The following COMMD1 variants were observed in gnomAD, a reference collection of about 807,000 sequenced individuals.
The protein encoded by COMMD1 is copper metabolism domain containing 1.
A neutral mutation model predicts 17.2 loss-of-function variants in COMMD1; 10 were observed. The observed-to-expected ratio is 0.58, with a 90% CI of 0.36 to 0.99. The LOEUF (loss-of-function observed/expected upper bound fraction) is 0.99. Among genes scored for constraint, COMMD1 ranks in the 50% least tolerant of loss-of-function variants. The pLI, the probability that COMMD1 is intolerant of heterozygous loss-of-function variation, is 0.01. For missense variants in COMMD1, 270 were observed against 231.8 expected, an observed-to-expected ratio of 1.17 and a Z score of -1.07; for synonymous variants, 97 against 91.6, an observed-to-expected ratio of 1.06 and a Z score of -0.34.
chr2:62,034,157 G>T (rs1399095689), intron 2 of COMMD1, among the ~76,000 whole-genome samples: 1 of 152,040 alleles, frequency 6.6e-6, no homozygotes, highest in East Asian at 1.9e-4. Flanking sequence ...AGCCTGTTGG[G>T]GTGGAAATGT....
chr2:61,934,948 C>T (rs1234978658), intron 1 of COMMD1, among the ~76,000 whole-genome samples: 1 of 152,166 alleles, frequency 6.6e-6, no homozygotes, highest in Non-Finnish European at 1.5e-5. Context: ...GAATAGATTC[C>T]TGTAACAAAA....
intron 2 of COMMD1, among the ~76,000 whole-genome samples, chr2:62,008,058 T>C (rs1434553567): frequency 2.0e-5 from 3 of 152,080 alleles, no homozygotes; most frequent in African/African-American, 7.2e-5. Context: ...ACTGCATGTC[T>C]GTAATCCAAG....
In COMMD1 at chr2:62,132,047, C is replaced by T. The variant is rs555723281; in HGVS notation, c.463-3784C>T. ...GGGATTACAGGTGCCCACCACCAAG[C>T]CTGGCTAATTTTTGTATTTTTAATA... On this transcript the variant is annotated intron_variant, in intron 2 of 2. Transcript: ENST00000311832. Among the ~76,000 whole-genome samples the T allele has an allele frequency of 2.6e-5, 4 of 152,196 alleles. No individual in the cohort carries two copies. The South Asian group carries it at 6.2e-4, about 24-fold the overall frequency.
rs1046113889 is a variant in COMMD1, at chr2:62,064,894, C to A, written c.462+63912C>A. Among the ~76,000 whole-genome samples the A allele has an allele frequency of 7.2e-5, 11 of 152,186 alleles. No homozygotes were observed. The East Asian group carries it at 2.1e-3, about 29-fold the overall frequency. ...ATAAAAATCTATGCTGTGCCAGGTGCAGTAGCTCATGCCTGTAATTCCAGC... is the reference window on the plus strand; with the variant it reads ...ATAAAAATCTATGCTGTGCCAGGTGAAGTAGCTCATGCCTGTAATTCCAGC... On this transcript the variant is annotated intron_variant, in intron 2 of 2. Transcript: ENST00000311832.
chr2:62,047,827 C>T (rs981784648), intron 2 of COMMD1, among the ~76,000 whole-genome samples: 1 of 152,096 alleles, frequency 6.6e-6, no homozygotes, highest in African/African-American at 2.4e-5. Flanking sequence ...TATTTTTATA[C>T]TGTATTATAC....
chr2:61,924,377 AG>A (rs1670272243), intron 1 of COMMD1, among the ~76,000 whole-genome samples: 1 of 78,674 alleles, frequency 1.3e-5, no homozygotes, highest in Non-Finnish European at 2.5e-5. Context: ...TCAGAGTCGG[AG>A]GGGGGATGGT....
chr2:61,916,777 CAGTATTTGGAATGT>C (rs1325450959), intron 1 of COMMD1, among the ~76,000 whole-genome samples: 1 of 152,030 alleles, frequency 6.6e-6, no homozygotes, highest in Non-Finnish European at 1.5e-5. Context: ...TTTTAAAATG[CAGTATTTGGAATGT>C]AGTATTAGGA....
intron 1 of COMMD1, among the ~76,000 whole-genome samples, chr2:61,953,828 T>C (rs1422860242): frequency 2.6e-5 from 4 of 152,284 alleles, no homozygotes; most frequent in Admixed American, 2.6e-4. Flanking sequence ...TTAAAATAAT[T>C]TTTAATTTTT....
chr2:61,902,800 G>A (rs568911859), upstream of COMMD1, among the ~76,000 whole-genome samples: 3 of 151,468 alleles, frequency 2.0e-5, no homozygotes, highest in South Asian at 4.2e-4. Flanking sequence ...AGCCAACATC[G>A]TGCCACTGCA....
chr2:62,026,476 G>T (rs375579805), intron 2 of COMMD1, among the ~76,000 whole-genome samples: 1 of 152,040 alleles, frequency 6.6e-6, no homozygotes, highest in Non-Finnish European at 1.5e-5. Context: ...CTGCCCCCTC[G>T]ACCCAAACAC....
intron 2 of COMMD1, among the ~76,000 whole-genome samples, chr2:62,053,416 C>T (rs1432555445): frequency 1.3e-5 from 2 of 152,030 alleles, no homozygotes; most frequent in Admixed American, 1.3e-4. Context: ...TTCCACCTTG[C>T]TTTCTTAGTG....
intron 2 of COMMD1, among the ~76,000 whole-genome samples, chr2:62,080,777 T>C (rs1671492281): frequency 9.3e-6 from 1 of 107,346 alleles, no homozygotes; most frequent in African/African-American, 3.6e-5. Context: ...TTCTGGATGA[T>C]AGTTGGAATT....
chr2:61,890,631 A>G (rs565245572), intron 1 of COMMD1, among the ~76,000 whole-genome samples: 2 of 152,170 alleles, frequency 1.3e-5, no homozygotes, highest in South Asian at 4.1e-4. Flanking sequence ...GCTTTAGGTC[A>G]GGAGTTTAAG....
intron 2 of COMMD1, among the ~76,000 whole-genome samples, chr2:62,063,895 A>ATATG (rs1670952585): frequency 7.4e-6 from 1 of 134,708 alleles, no homozygotes. Flanking sequence ...ATATATATAT[A>ATATG]TATTAGCCAG....
At chr2:62,125,437 T>A (rs1173396137) in intron 2 of COMMD1, among the ~76,000 whole-genome samples, 1 of 152,224 alleles carries the variant, frequency 6.6e-6, no homozygotes, top group East Asian at 1.9e-4. Context: ...CTCAGTAGGA[T>A]GACTTGCGTT....
At chr2:62,035,499 G>C (rs1355677100) in intron 2 of COMMD1, among the ~76,000 whole-genome samples, 7 of 152,222 alleles carry the variant, frequency 4.6e-5, no homozygotes, top group African/African-American at 1.7e-4. Flanking sequence ...CCAGCACTTT[G>C]GGAGACCTAG....
Position 62,013,002 on chromosome 2 carries a change from G to A in COMMD1, c.462+12020G>A, listed in dbSNP as rs1227304801. ...AGGGAGCAACCAAGGCAAGAAATTA[G>A]CCTTGTTAAGAATTTTAAGTGTAAT... On this transcript the variant is annotated intron_variant, in intron 2 of 2. Coordinates refer to ENST00000311832, the MANE Select transcript of COMMD1 (RefSeq NM_152516.4). 2.6e-5 allele frequency among the ~76,000 whole-genome samples: 4 copies of A among 152,238 alleles called. No homozygotes were observed. The East Asian group carries it at 7.7e-4, about 29-fold the overall frequency.
At chr2:62,026,123 A>G (rs187647994) in intron 2 of COMMD1, among the ~76,000 whole-genome samples, 3 of 152,290 alleles carry the variant, frequency 2.0e-5, no homozygotes, top group Admixed American at 2.0e-4. Flanking sequence ...CAGACTTTAT[A>G]TAAAACTCAG....
intron 2 of COMMD1, among the ~76,000 whole-genome samples, chr2:62,032,473 C>T (rs966427169): frequency 7.9e-5 from 12 of 152,174 alleles, no homozygotes; most frequent in African/African-American, 2.7e-4. Context: ...GAGTTCCTGG[C>T]TGCAGTGAGC....
Sources: gnomAD v4.1 joint callset for allele counts (sites outside exome capture counted in the v4.1 genomes callset) on GRCh38, gnomAD v4.1.1 for gene constraint, MANE v1.5 for transcripts, NCBI Gene and HGNC (gene_info 2026-07-23, HGNC 2026-07-21) for gene names.